DNMT3B: variants seen among roughly 807,000 people sequenced by gnomAD.
The protein encoded by DNMT3B is DNA methyltransferase 3 beta, also known as DNA (cytosine-5)-methyltransferase 3B.
In DNMT3B, 37 loss-of-function variants were observed where a neutral mutation model predicts 120.2. The observed-to-expected ratio is 0.31, with a 90% CI of 0.24 to 0.40. The LOEUF (loss-of-function observed/expected upper bound fraction) is 0.40, where lower values mean the gene tolerates loss of function less well. Among genes scored for constraint, DNMT3B ranks in the 10% least tolerant of loss-of-function variants. The probability of loss-of-function intolerance (pLI) is 1.00; values close to 1 mark genes in which losing one functional copy is unlikely to be tolerated. For synonymous variants in DNMT3B, 412 were observed against 442.8 expected (o/e 0.93, Z 0.87); for missense variants, 878 against 1,137.3 (o/e 0.77, Z 3.28).
In DNMT3B at chr20:32,795,703, C is replaced by A; in HGVS notation, c.1297+9C>A. On this transcript the variant is annotated intron_variant, in intron 12 of 22. Transcript: ENST00000328111. Reference sequence around the variant, plus strand: ...CAAGAGCAGCCTGGAAGGTAACGTTCTCTCCCTCCCAGTCATCCCCCTCAC... The same window carrying A: ...CAAGAGCAGCCTGGAAGGTAACGTTATCTCCCTCCCAGTCATCCCCCTCAC... 6.2e-7 allele frequency: 1 copy of A among 1,614,082 alleles called. No homozygotes were observed. The highest frequency in any genetic ancestry group is 8.5e-7 in the Non-Finnish European group (1 of 1,180,048).
chr20:32,784,834 C>T lies in DNMT3B; in HGVS notation c.281C>T (p.Thr94Ile), dbSNP rs1447244161. Residue 94 changes from threonine (T) to isoleucine (I), a missense_variant, in exon 4 of 23, where the codon ACC becomes ATC. Transcript: ENST00000328111. ...GTCATGCCAAAGCTCTTCCGGGAAACCAGGACTCGTTCAGAAAGCCCAGCT... is the reference window on the plus strand; with the variant it reads ...GTCATGCCAAAGCTCTTCCGGGAAATCAGGACTCGTTCAGAAAGCCCAGCT... ...TPVMPKLFRETRTRSESPAVR... is the reference protein window; with the variant it reads ...TPVMPKLFREIRTRSESPAVR... 2 of 1,614,084 alleles carry T rather than the reference C, an allele frequency of 1.2e-6. No individual in the cohort carries two copies. The highest frequency in any genetic ancestry group is 1.7e-6 in the Non-Finnish European group (2 of 1,180,012).
At chr20:32,791,039 G>A (rs758131670) in intron 7 of DNMT3B, among the ~76,000 whole-genome samples, 1 of 152,172 alleles carries the variant, frequency 6.6e-6, no homozygotes, top group Non-Finnish European at 1.5e-5. Flanking sequence ...TTGGTCCAGG[G>A]ACTTGGTACA....
In DNMT3B at chr20:32,807,979, C is replaced by T; in HGVS notation, c.*76C>T. On this transcript the variant is annotated 3_prime_UTR_variant, in exon 23 of 23. Transcript: ENST00000328111. ...GGAGGTGTGATTCCTGAAGGCATCCCCAGGCCCTGCTCTTCCTCAGCTGTG... is the reference window on the plus strand; with the variant it reads ...GGAGGTGTGATTCCTGAAGGCATCCTCAGGCCCTGCTCTTCCTCAGCTGTG... The T allele has an allele frequency of 1.2e-6, 2 of 1,610,698 alleles. No individual in the cohort carries two copies. Among genetic ancestry groups the T allele is most frequent in the Admixed American group, 3.3e-5 (2 of 59,964 alleles).
At position 32,808,658 on chromosome 20, in the gene DNMT3B, A is replaced by T. The variant is rs951338752; in HGVS notation, c.*755A>T. The stretch of plus-strand genomic sequence containing the variant: ...GTGACTGCAATAGAACCCTCTGGGG[A>T]GCTCAGGAAGGGGTGTGCTGAGTTC... On this transcript the variant is annotated 3_prime_UTR_variant, in exon 23 of 23. Coordinates refer to ENST00000328111, the MANE Select transcript of DNMT3B (RefSeq NM_006892.4). 2 of 230,244 alleles carry T rather than the reference A, an allele frequency of 8.7e-6. No homozygotes were observed. Among genetic ancestry groups the T allele is most frequent in the African/African-American group, 4.4e-5 (2 of 45,094 alleles). 14.3% of individuals were successfully genotyped at this position (230,244 alleles called of 1,614,324 possible). A position where few individuals can be genotyped will look rare whatever the true frequency, so the allele number is the denominator to read the frequency against.
At chr20:32,795,335 G>C in intron 10 of DNMT3B, 74 bp from the exon 11 acceptor site, 1 of 1,608,134 alleles carries the variant, frequency 6.2e-7, no homozygotes, top group Non-Finnish European at 8.5e-7. Flanking sequence ...GGCATAGCAT[G>C]GTCTTGTCCT....
At chr20:32,781,277 A>G in intron 2 of DNMT3B, 76 bp from the exon 3 acceptor site, 4 of 1,513,070 alleles carry the variant, frequency 2.6e-6, no homozygotes, top group Middle Eastern at 1.7e-4. Context: ...CACGGAGAAA[A>G]GCCCCTATTA....
intron 3 of DNMT3B, among the ~76,000 whole-genome samples, chr20:32,784,335 T>G (rs1978999582): frequency 6.6e-6 from 1 of 152,172 alleles, no homozygotes; most frequent in African/African-American, 2.4e-5. Flanking sequence ...ACACCCTGCA[T>G]ATTATTTGAT....
At chr20:32,764,653 A>G (rs1987193423) in intron 1 of DNMT3B, among the ~76,000 whole-genome samples, 1 of 152,164 alleles carries the variant, frequency 6.6e-6, no homozygotes, top group South Asian at 2.1e-4. Flanking sequence ...CCGGCCACGC[A>G]TGGGGGCCTA....
intron 1 of DNMT3B, among the ~76,000 whole-genome samples, chr20:32,774,370 C>T (rs1038163333): frequency 9.9e-5 from 15 of 151,854 alleles, no homozygotes; most frequent in Non-Finnish European, 1.5e-4. Flanking sequence ...CCACCATGCC[C>T]GGCTAATTTT....
intron 4 of DNMT3B, 47 bp from the exon 5 acceptor site, chr20:32,786,455 G>C: frequency 6.2e-7 from 1 of 1,613,280 alleles, no homozygotes; most frequent in South Asian, 1.1e-5. Flanking sequence ...CCAGACCCCA[G>C]GCCTCCAGTC....
intron 4 of DNMT3B, 134 bp downstream of exon 4, chr20:32,784,993 A>G (rs1306914379): frequency 1.1e-6 from 1 of 879,100 alleles, no homozygotes; most frequent in East Asian, 2.7e-5. Flanking sequence ...TTGAAACTAG[A>G]AAATATAAGC....
At chr20:32,791,943 C>T (rs913461420) in intron 8 of DNMT3B, among the ~76,000 whole-genome samples, 10 of 152,178 alleles carry the variant, frequency 6.6e-5, no homozygotes, top group Admixed American at 2.0e-4. Flanking sequence ...GGAAAGAGCA[C>T]GGGCAGTTAG....
At chr20:32,798,750 C>A (rs1472570396) in intron 15 of DNMT3B, 107 bp downstream of exon 15, 26 of 1,481,530 alleles carry the variant, frequency 1.8e-5, no homozygotes, top group Non-Finnish European at 2.1e-5. Context: ...CACGTTGTAC[C>A]TCTTGGAGCC....
At chr20:32,777,471 A>G (rs548907146) in intron 1 of DNMT3B, among the ~76,000 whole-genome samples, 137 of 152,268 alleles carry the variant, frequency 9.0e-4, no homozygotes, top group African/African-American at 3.1e-3. Flanking sequence ...CCCAGCACAC[A>G]TTAGAACCCC....
chr20:32,792,900 G>C, intron 9 of DNMT3B, 130 bp downstream of exon 9: 1 of 1,374,844 alleles, frequency 7.3e-7, no homozygotes, highest in Non-Finnish European at 1.0e-6. Context: ...CTGAATGTTG[G>C]AAAAATAGGA....
chr20:32,773,314 A>T (rs950198989), intron 1 of DNMT3B, among the ~76,000 whole-genome samples: 5 of 152,148 alleles, frequency 3.3e-5, no homozygotes, highest in Non-Finnish European at 7.4e-5. Context: ...TCTGCTTACT[A>T]TGCCAAGGGC....
At chr20:32,777,676 CACTGATTTGGCCTGAGGTGAA>C (rs1313674670) in intron 1 of DNMT3B, among the ~76,000 whole-genome samples, 1 of 152,186 alleles carries the variant, frequency 6.6e-6, no homozygotes, top group African/African-American at 2.4e-5. Flanking sequence ...TTACTTAGTT[CACTGATTTGGCCTGAGGTGAA>C]ACGCTTGAAA....
chr20:32,791,755 GA>G, intron 8 of DNMT3B, 47 bp downstream of exon 8: 2 of 1,600,634 alleles, frequency 1.2e-6, no homozygotes, highest in South Asian at 2.2e-5. Context: ...GAGCAGGGAT[GA>G]AGCAAGAGAC....
Position 32,788,974 on chromosome 20 carries a change from C to A in DNMT3B, c.775C>A (p.Arg259=), listed in dbSNP as rs1422196524. The part of the protein sequence containing the change: ...TSKRQAMSGM[R]WVQWFGDGKF... Reference sequence around the variant, plus strand: ...CAAGCGACAGGCTATGTCTGGCATGCGGTGGGTCCAGTGGTTTGGCGATGG... The same window carrying A: ...CAAGCGACAGGCTATGTCTGGCATGAGGTGGGTCCAGTGGTTTGGCGATGG... Residue 259 remains arginine (R), a synonymous_variant, in exon 7 of 23, where the codon CGG becomes AGG. Coordinates refer to ENST00000328111, the MANE Select transcript of DNMT3B (RefSeq NM_006892.4). 6.2e-7 allele frequency: 1 copy of A among 1,614,114 alleles called. No individual in the cohort carries two copies. The highest frequency in any genetic ancestry group is 8.5e-7 in the Non-Finnish European group (1 of 1,180,018).
Sources: gnomAD v4.1 joint callset for allele counts (sites outside exome capture counted in the v4.1 genomes callset) on GRCh38, gnomAD v4.1.1 for gene constraint, MANE v1.5 for transcripts, NCBI Gene and HGNC (gene_info 2026-07-23, HGNC 2026-07-21) for gene names.